Variants in TBCK observed in about 807,000 individuals in gnomAD.
TBCK encodes TBC1 domain containing kinase.
In TBCK, 99 loss-of-function variants were observed where a neutral mutation model predicts 113.4. The observed-to-expected ratio is 0.87, with a 90% confidence interval of 0.74 to 1.03. The LOEUF (loss-of-function observed/expected upper bound fraction) is 1.03, where lower values mean the gene tolerates loss of function less well. Ranked by LOEUF, TBCK falls within the 50% of genes least tolerant of loss-of-function variation. The probability of loss-of-function intolerance (pLI) is 0.00; values close to 1 mark genes in which losing one functional copy is unlikely to be tolerated. For missense variants in TBCK, 1,045 were observed against 1,061.3 expected, an observed-to-expected ratio of 0.98 and a Z score of 0.21; for synonymous variants, 369 against 370.8, an observed-to-expected ratio of 1.00 and a Z score of 0.05.
chr4:106,066,555 C>A (rs79177091), intron 25 of TBCK, among the ~76,000 whole-genome samples: 2,086 of 151,856 alleles, frequency 0.014, 56 homozygotes, highest in African/African-American at 0.047. Context: ...TCCTTTTAAC[C>A]ATTTTTAAGT....
chr4:106,198,941 G>A (rs1045315620), intron 20 of TBCK, among the ~76,000 whole-genome samples: 2 of 152,048 alleles, frequency 1.3e-5, no homozygotes, highest in African/African-American at 2.4e-5. Flanking sequence ...TTCTCTGCAG[G>A]AGAATGATAG....
chr4:106,242,898 T>C (rs960730191), intron 11 of TBCK, among the ~76,000 whole-genome samples: 3 of 128,004 alleles, frequency 2.3e-5, no homozygotes, highest in Non-Finnish European at 3.1e-5. Context: ...GAGTGTGATG[T>C]TACCCTTCCT....
rs184103427 is a variant in TBCK, at chr4:106,090,490, C to T, written c.2571+4992G>A. ...AGCACTTGGCTCCCTTTTAGTCACG[C>T]TAATCTCTCTAGCAAATGGTTGCTC... On this transcript the variant is annotated intron_variant, in intron 25 of 25. Coordinates refer to ENST00000394708, the MANE Select transcript of TBCK (RefSeq NM_001163435.3). Among the ~76,000 whole-genome samples the T allele has an allele frequency of 2.3e-3, 352 of 152,282 alleles. 1 individual carries two copies. Among genetic ancestry groups the T allele is most frequent in the South Asian group, 3.9e-3 (19 of 4,822 alleles).
chr4:106,229,886 C>T lies in TBCK; in HGVS notation c.1774+477G>A, dbSNP rs536566329. Among the ~76,000 whole-genome samples, 263 of 151,928 alleles carry T rather than the reference C, an allele frequency of 1.7e-3. 1 individual carries two copies. The highest frequency in any genetic ancestry group is 5.0e-3 in the South Asian group (24 of 4,822). ...TGAATGAATTCACAAACAGGTTACG[C>T]TATGACATGAACTCTTAAGGAGGAG... is the stretch of plus-strand genomic sequence containing the variant. On this transcript the variant is annotated intron_variant, in intron 19 of 25. Coordinates refer to ENST00000394708, the MANE Select transcript of TBCK (RefSeq NM_001163435.3).
chr4:106,199,094 A>C (rs1754585174), intron 20 of TBCK, among the ~76,000 whole-genome samples: 1 of 152,164 alleles, frequency 6.6e-6, no homozygotes, highest in Non-Finnish European at 1.5e-5. Flanking sequence ...AACTTACAAT[A>C]AGAGCAGTAG....
intron 20 of TBCK, among the ~76,000 whole-genome samples, chr4:106,195,326 T>C (rs1244741765): frequency 6.6e-6 from 1 of 152,142 alleles, no homozygotes; most frequent in Non-Finnish European, 1.5e-5. Context: ...CACCAAAGGA[T>C]AGACTCAAGA....
At chr4:106,084,172 A>G (rs1224012829) in intron 25 of TBCK, among the ~76,000 whole-genome samples, 1 of 152,214 alleles carries the variant, frequency 6.6e-6, no homozygotes, top group East Asian at 1.9e-4. Flanking sequence ...CCCAATGCAA[A>G]GAAGCTAAGA....
chr4:106,079,111 T>TA (rs1206531992), intron 25 of TBCK, among the ~76,000 whole-genome samples: 1 of 151,856 alleles, frequency 6.6e-6, no homozygotes, highest in Non-Finnish European at 1.5e-5. Context: ...AGGTCTTCAA[T>TA]AAAATTAAAC....
intron 10 of TBCK, among the ~76,000 whole-genome samples, chr4:106,246,138 A>G (rs1760790812): frequency 6.6e-6 from 1 of 152,270 alleles, no homozygotes; most frequent in Non-Finnish European, 1.5e-5. Context: ...AGACAGAAAT[A>G]CAGAATTAGG....
intron 25 of TBCK, among the ~76,000 whole-genome samples, chr4:106,047,147 A>G (rs1734309085): frequency 6.6e-6 from 1 of 152,176 alleles, no homozygotes; most frequent in South Asian, 2.1e-4. Flanking sequence ...CCCATAAACC[A>G]GTTGTAACAT....
chr4:106,310,130 T>C (rs1397301520), intron 1 of TBCK, among the ~76,000 whole-genome samples: 2 of 152,176 alleles, frequency 1.3e-5, no homozygotes, highest in Non-Finnish European at 2.9e-5. Flanking sequence ...AGCTTAATGA[T>C]AAATATGCTG....
intron 25 of TBCK, among the ~76,000 whole-genome samples, chr4:106,066,951 T>G (rs927094674): frequency 1.3e-5 from 2 of 152,128 alleles, no homozygotes; most frequent in Non-Finnish European, 2.9e-5. Flanking sequence ...CACCTTTGAC[T>G]TGTCAATAAT....
intron 11 of TBCK, among the ~76,000 whole-genome samples, chr4:106,243,557 TAAGA>T (rs1253027893): frequency 2.0e-5 from 3 of 151,568 alleles, no homozygotes; most frequent in Non-Finnish European, 4.4e-5. Context: ...AAAATCAGAT[TAAGA>T]GAGAAAAAAA....
chr4:106,205,003 G>T (rs1755304229), intron 20 of TBCK, among the ~76,000 whole-genome samples: 1 of 151,256 alleles, frequency 6.6e-6, no homozygotes, highest in Admixed American at 6.6e-5. Context: ...CTGACCTCAT[G>T]ATCCACCCGC....
At chr4:106,178,500 G>T (rs1461739459) in intron 22 of TBCK, among the ~76,000 whole-genome samples, 1 of 151,858 alleles carries the variant, frequency 6.6e-6, no homozygotes, top group Non-Finnish European at 1.5e-5. Context: ...CTTATACCCA[G>T]TTCTTTGAGA....
At chr4:106,067,455 G>A (rs893309256) in intron 25 of TBCK, among the ~76,000 whole-genome samples, 5 of 152,020 alleles carry the variant, frequency 3.3e-5, no homozygotes, top group Non-Finnish European at 7.4e-5. Context: ...CATTTTATGG[G>A]TTGTCTTTTC....
At chr4:106,249,605 A>C (rs1761208273) in intron 7 of TBCK, among the ~76,000 whole-genome samples, 1 of 152,130 alleles carries the variant, frequency 6.6e-6, no homozygotes, top group African/African-American at 2.4e-5. Flanking sequence ...ACTTATTTTT[A>C]TTGTACATAA....
chr4:106,201,106 A>C (rs1754839699), intron 20 of TBCK, among the ~76,000 whole-genome samples: 1 of 152,002 alleles, frequency 6.6e-6, no homozygotes, highest in Admixed American at 6.5e-5. Context: ...GAAAAGTAAT[A>C]ATTAGTTCAA....
At chr4:106,301,990 G>T (rs148959920) in intron 2 of TBCK, among the ~76,000 whole-genome samples, 1 of 152,124 alleles carries the variant, frequency 6.6e-6, no homozygotes, top group African/African-American at 2.4e-5. Context: ...GAAATGACTA[G>T]AATGTTTTGG....
Sources: allele counts gnomAD v4.1 joint callset (sites outside exome capture counted in the v4.1 genomes callset), GRCh38; gene constraint gnomAD v4.1.1; transcripts MANE v1.5; gene names NCBI Gene and HGNC (gene_info 2026-07-23, HGNC 2026-07-21).